FASTKD2: variants seen among roughly 807,000 people sequenced by gnomAD.
FASTKD2 encodes FAST kinase domain-containing protein 2, mitochondrial.
In FASTKD2, 51 loss-of-function variants were observed where a neutral mutation model predicts 63.6. The observed-to-expected ratio is 0.80, with a 90% CI of 0.64 to 1.01. The LOEUF (loss-of-function observed/expected upper bound fraction) is 1.01, where lower values mean the gene tolerates loss of function less well. Ranked by LOEUF, FASTKD2 falls within the 50% of genes least tolerant of loss-of-function variation. The pLI is 0.00. For synonymous variants in FASTKD2, 284 were observed against 293.4 expected (o/e 0.97, Z 0.33); for missense variants, 786 against 831.1 (o/e 0.95, Z 0.67).
At chr2:206,778,258 CT>C (rs937968471) in intron 7 of FASTKD2, among the ~76,000 whole-genome samples, 4 of 149,652 alleles carry the variant, frequency 2.7e-5, no homozygotes, top group Non-Finnish European at 4.5e-5. Context: ...TGATAGCTTT[CT>C]TTTTTTTTAA....
At chr2:206,781,008 C>A (rs141482326) in intron 7 of FASTKD2, among the ~76,000 whole-genome samples, 1 of 152,186 alleles carries the variant, frequency 6.6e-6, no homozygotes, top group Admixed American at 6.5e-5. Flanking sequence ...GCTCATATAT[C>A]ATTTTCCTAA....
At position 206,770,587 on chromosome 2, in the gene FASTKD2, G is replaced by A. The variant is rs558565000; in HGVS notation, c.881+393G>A. On this transcript the variant is annotated intron_variant, in intron 3 of 11. Coordinates refer to ENST00000402774, the MANE Select transcript of FASTKD2 (RefSeq NM_001136193.2). Reference sequence around the variant, plus strand: ...TCTACTAAAAATACAAAAATTAGCCGGGTGTGGTGGTGGGTGCCTGTAGTC... The same window carrying A: ...TCTACTAAAAATACAAAAATTAGCCAGGTGTGGTGGTGGGTGCCTGTAGTC... 3.3e-4 allele frequency among the ~76,000 whole-genome samples: 50 copies of A among 152,064 alleles called. 1 individual carries two copies. Among genetic ancestry groups the A allele is most frequent in the Admixed American group, 1.7e-3 (26 of 15,284 alleles).
chr2:206,782,728 C>G (rs1690023987), intron 7 of FASTKD2, among the ~76,000 whole-genome samples: 1 of 152,224 alleles, frequency 6.6e-6, no homozygotes, highest in Non-Finnish European at 1.5e-5. Flanking sequence ...CATTTGTTAG[C>G]TGCTTGACTT....
At chr2:206,785,600 A>G (rs1690118160) in intron 7 of FASTKD2, among the ~76,000 whole-genome samples, 1 of 152,146 alleles carries the variant, frequency 6.6e-6, no homozygotes, top group South Asian at 2.1e-4. Context: ...AGGGGGGATC[A>G]TTACCCAGGC....
chr2:206,772,705 G>T (rs1308057407), intron 6 of FASTKD2, among the ~76,000 whole-genome samples: 1 of 152,048 alleles, frequency 6.6e-6, no homozygotes, highest in African/African-American at 2.4e-5. Flanking sequence ...AATCATGAGG[G>T]TAAACAATGC....
At chr2:206,789,351 G>T (rs1345178238) in intron 10 of FASTKD2, 1 of 179,322 alleles carries the variant, frequency 5.6e-6, no homozygotes, top group Non-Finnish European at 1.2e-5. Flanking sequence ...AACTGTATTT[G>T]TATGGGTTAG....
chr2:206,770,780 T>C (rs1211399462), intron 3 of FASTKD2, among the ~76,000 whole-genome samples: 1 of 151,402 alleles, frequency 6.6e-6, no homozygotes, highest in Non-Finnish European at 1.5e-5. Context: ...AGAATTGATA[T>C]GTATATTTAA....
intron 2 of FASTKD2, among the ~76,000 whole-genome samples, chr2:206,769,055 T>C (rs774348122): frequency 1.3e-5 from 2 of 152,224 alleles, no homozygotes; most frequent in Non-Finnish European, 2.9e-5. Flanking sequence ...GTATGAGTAG[T>C]AGATTTTTGT....
chr2:206,770,760 G>C lies in FASTKD2; in HGVS notation c.882-422G>C, dbSNP rs552579949. On this transcript the variant is annotated intron_variant, in intron 3 of 11. Transcript: ENST00000402774. ...AAAAAAAAAAAAATAGTACTGATGC[G>C]GGGTAGGAGAGAATTGATATGTATA... Among the ~76,000 whole-genome samples the C allele has an allele frequency of 1.1e-4, 16 of 151,866 alleles. 1 individual carries two copies. The South Asian group carries it at 3.3e-3, about 32-fold the overall frequency.
rs1429346140 is a variant in FASTKD2 at position 206,790,675 on chromosome 2, C to T, written c.2002C>T (p.His668Tyr). 1.3e-6 allele frequency: 2 copies of T among 1,595,234 alleles called. No individual in the cohort carries two copies. Among genetic ancestry groups the T allele is most frequent in the Admixed American group, 1.7e-5 (1 of 59,974 alleles). Residue 668 changes from histidine to tyrosine, a missense_variant, in exon 11 of 12, where the codon CAT (histidine) becomes TAT (tyrosine). Coordinates refer to ENST00000402774, the MANE Select transcript of FASTKD2 (RefSeq NM_001136193.2). ...KMRHLNAMGF[H>Y]VILVNNWEMD... ...GCGGCATTTGAATGCAATGGGTTTT[C>T]ATGTGATCTTGGTGAGAAAAAAATG...
chr2:206,776,672 T>C (rs1174206615), intron 7 of FASTKD2, among the ~76,000 whole-genome samples: 2 of 151,884 alleles, frequency 1.3e-5, no homozygotes, highest in Non-Finnish European at 2.9e-5. Flanking sequence ...GTCTTTTTTA[T>C]GCCAGTACCA....
chr2:206,788,659 T>C (rs1690199367), intron 9 of FASTKD2, among the ~76,000 whole-genome samples, 160 bp from the exon 10 acceptor site: 1 of 143,406 alleles, frequency 7.0e-6, no homozygotes, highest in Non-Finnish European at 1.5e-5. Flanking sequence ...TGCTTGAACC[T>C]GGGAAGTTGC....
rs1689735070 is a variant in FASTKD2 at position 206,773,220 on chromosome 2, C to A, written c.1254+900C>A. ...ATCCCAGCTACTAGGGGGGCTGAGG[C>A]AGGAGGACCACTTGAACCTGGGAGG... On this transcript the variant is annotated intron_variant, in intron 6 of 11. Transcript: ENST00000402774. Among the ~76,000 whole-genome samples the A allele has an allele frequency of 2.7e-5, 4 of 147,834 alleles. No homozygotes were observed. In the South Asian group the frequency reaches 8.4e-4, roughly 31 times the overall value.
chr2:206,779,636 A>G (rs1689915799), intron 7 of FASTKD2, among the ~76,000 whole-genome samples: 1 of 152,174 alleles, frequency 6.6e-6, no homozygotes. Context: ...CCATGATCCA[A>G]TCACCTTCCA....
intron 7 of FASTKD2, among the ~76,000 whole-genome samples, chr2:206,777,431 A>T (rs573121714): frequency 6.6e-6 from 1 of 152,288 alleles, no homozygotes; most frequent in Non-Finnish European, 1.5e-5. Flanking sequence ...TTAGATGATC[A>T]TATGATTTTT....
rs1333431226 is a variant in FASTKD2 at position 206,774,161 on chromosome 2, T to TA, written c.1255-58dup. ...ATTGCTGCTTAGATTTTTTGAGATCTAAAAAATTACTATTAGCATACTGTA... is the reference window on the plus strand; with the variant it reads ...ATTGCTGCTTAGATTTTTTGAGATCTAAAAAAATTACTATTAGCATACTGTA... On this transcript the variant is annotated intron_variant, in intron 6 of 11. Transcript: ENST00000402774. 4 of 1,184,798 alleles carry TA rather than the reference T, an allele frequency of 3.4e-6. No individual in the cohort carries two copies. In the East Asian group the frequency reaches 7.4e-5, roughly 22 times the overall value. 73.4% of individuals were successfully genotyped at this position (1,184,798 alleles called of 1,614,324 possible).
chr2:206,776,572 A>G (rs997776342), intron 7 of FASTKD2, among the ~76,000 whole-genome samples: 5 of 151,728 alleles, frequency 3.3e-5, no homozygotes, highest in Non-Finnish European at 5.9e-5. Flanking sequence ...TAAGGTTCCA[A>G]TTTCATTCTT....
intron 7 of FASTKD2, among the ~76,000 whole-genome samples, chr2:206,780,308 C>T (rs897796749): frequency 1.3e-5 from 2 of 152,062 alleles, no homozygotes; most frequent in African/African-American, 4.8e-5. Context: ...GACAGTTTTC[C>T]TTGGCTTTCG....
chr2:206,786,661 C>T, intron 7 of FASTKD2, 72 bp from the exon 8 acceptor site: 1 of 1,359,712 alleles, frequency 7.4e-7, no homozygotes, highest in South Asian at 1.2e-5. Context: ...TTTCTTATCT[C>T]TTTTCTTTGG....
Sources: gnomAD v4.1 joint callset for allele counts (sites outside exome capture counted in the v4.1 genomes callset) on GRCh38, gnomAD v4.1.1 for gene constraint, MANE v1.5 for transcripts, NCBI Gene and HGNC (gene_info 2026-07-23, HGNC 2026-07-21) for gene names.